WDR44: variants seen among roughly 807,000 people sequenced by gnomAD.
WDR44 encodes the protein WD repeat-containing protein 44.
A neutral mutation model predicts 65.7 loss-of-function variants in WDR44; 9 were observed. The ratio of observed to expected loss-of-function variants is 0.14; its 90% CI spans 0.08 to 0.24. The LOEUF (loss-of-function observed/expected upper bound fraction) is 0.24. WDR44 is among the 10% of genes least tolerant of loss of function. WDR44 has a pLI of 1.00. For missense variants in WDR44, 425 were observed against 670.9 expected (o/e 0.63, Z 4.05); for synonymous variants, 220 against 235.2 (o/e 0.94, Z 0.59).
chrX:118,349,510 G>A (rs1450270356), intron 1 of WDR44, among the ~76,000 whole-genome samples: 1 of 108,659 alleles, frequency 9.2e-6, no homozygotes, highest in African/African-American at 3.4e-5. Flanking sequence ...GAGCCATCTC[G>A]CCAGGCCCAG....
chrX:118,346,601 CAGGA>C, intron 1 of WDR44, 21 bp downstream of exon 1: 1 of 1,145,782 alleles, frequency 8.7e-7, no homozygotes, highest in Admixed American at 2.4e-5. Flanking sequence ...GCAGCTATGA[CAGGA>C]AGCCGGGCAT....
chrX:118,387,181 CAAA>C (rs61229618), intron 2 of WDR44, among the ~76,000 whole-genome samples, 156 bp from the exon 3 acceptor site: 1 of 38,294 alleles, frequency 2.6e-5, no homozygotes, highest in Admixed American at 3.2e-4. Context: ...AACTCTGTCT[CAAA>C]AAAAAAAAAA....
chrX:118,409,454 A>G (rs1444801674), intron 10 of WDR44, 35 bp from the exon 11 acceptor site: 1 of 1,199,064 alleles, frequency 8.3e-7, no homozygotes, highest in Non-Finnish European at 1.1e-6. Flanking sequence ...TAAAGGTGTA[A>G]AGTATTAACT....
intron 1 of WDR44, among the ~76,000 whole-genome samples, chrX:118,353,978 A>G (rs1023902833): frequency 8.9e-6 from 1 of 112,086 alleles, no homozygotes; most frequent in Admixed American, 9.6e-5. Flanking sequence ...CCTTGAATAA[A>G]CAGGAAGAGA....
At chrX:118,443,291 T>C (rs1352275040) in intron 17 of WDR44, among the ~76,000 whole-genome samples, 1 of 111,888 alleles carries the variant, frequency 8.9e-6, no homozygotes, top group African/African-American at 3.3e-5. Flanking sequence ...ATTCTGCTCC[T>C]GTCTTTCACA....
intron 6 of WDR44, among the ~76,000 whole-genome samples, chrX:118,395,709 A>T (rs1004716919): frequency 1.8e-4 from 20 of 112,065 alleles, no homozygotes; most frequent in African/African-American, 5.8e-4. Flanking sequence ...TATATTTTAT[A>T]GAAAGTGGGC....
At chrX:118,447,621 C>T (rs953267764) in intron 19 of WDR44, among the ~76,000 whole-genome samples, 8 of 110,590 alleles carry the variant, frequency 7.2e-5, no homozygotes, top group Non-Finnish European at 1.1e-4. Flanking sequence ...CATGGTGGCT[C>T]ATGCCTGTAA....
At chrX:118,406,610 C>A (rs2056970106) in intron 9 of WDR44, among the ~76,000 whole-genome samples, 1 of 111,056 alleles carries the variant, frequency 9.0e-6, no homozygotes, top group Non-Finnish European at 1.9e-5. Flanking sequence ...TAAGTACCAT[C>A]ATTATCCCCA....
intron 8 of WDR44, among the ~76,000 whole-genome samples, chrX:118,400,044 C>T (rs2147709413): frequency 9.0e-6 from 1 of 110,849 alleles, no homozygotes; most frequent in African/African-American, 3.3e-5. Context: ...GCCGTGATCA[C>T]ACCACTGCAC....
At chrX:118,349,761 G>A in intron 1 of WDR44, among the ~76,000 whole-genome samples, 1 of 110,770 alleles carries the variant, frequency 9.0e-6, no homozygotes, top group East Asian at 2.8e-4. Flanking sequence ...TGTTCGTCAG[G>A]CTGGTCTTGA....
intron 8 of WDR44, among the ~76,000 whole-genome samples, chrX:118,400,923 G>T (rs2056907845): frequency 1.1e-5 from 1 of 94,475 alleles, no homozygotes; most frequent in Non-Finnish European, 2.1e-5. Context: ...TGTGGTGTTT[G>T]GTTTTTTGTT....
rs778516366 is a variant in WDR44 at position 118,398,600 on chromosome X, C to T, written c.1274+130C>T. On this transcript the variant is annotated intron_variant, in intron 8 of 19. Transcript: ENST00000254029. ...CCCACCACCATTCCTCCCTGTCCCT[C>T]GCTGATGGGTTATGAAGTTGTATTG... 14 of 526,031 alleles carry T rather than the reference C, an allele frequency of 2.7e-5. No individual in the cohort carries two copies. The South Asian group carries it at 3.1e-4, about 12-fold the overall frequency. 43.4% of individuals were successfully genotyped at this position (526,031 alleles called of 1,213,427 possible). A position where few individuals can be genotyped will look rare whatever the true frequency, so the allele number is the denominator to read the frequency against.
chrX:118,418,468 C>T (rs1025962445), intron 12 of WDR44, among the ~76,000 whole-genome samples: 4 of 110,958 alleles, frequency 3.6e-5, no homozygotes, highest in African/African-American at 1.3e-4. Context: ...GGTCTAGCCA[C>T]CCAGCAAGTC....
At chrX:118,367,048 T>C (rs2056560260) in intron 1 of WDR44, among the ~76,000 whole-genome samples, 2 of 107,759 alleles carry the variant, frequency 1.9e-5, no homozygotes, top group Admixed American at 2.0e-4. Context: ...ATCACGCCAC[T>C]GCACCCCAGC....
intron 3 of WDR44, 32 bp downstream of exon 3, chrX:118,387,446 T>C: frequency 6.8e-6 from 7 of 1,025,498 alleles, no homozygotes; most frequent in Non-Finnish European, 9.4e-6. Flanking sequence ...TATTAGTTTA[T>C]AGCAGACATC....
intron 19 of WDR44, among the ~76,000 whole-genome samples, chrX:118,446,544 G>A (rs1208139592): frequency 8.9e-6 from 1 of 112,017 alleles, no homozygotes; most frequent in East Asian, 2.8e-4. Flanking sequence ...TGTACAAAGA[G>A]TGCTTCTAAA....
chrX:118,387,654 GT>G (rs1311530652), intron 3 of WDR44, among the ~76,000 whole-genome samples: 1 of 111,229 alleles, frequency 9.0e-6, no homozygotes, highest in African/African-American at 3.3e-5. Flanking sequence ...TTTATTTTTT[GT>G]TCTTGTATTT....
At chrX:118,348,192 C>T (rs887980323) in intron 1 of WDR44, among the ~76,000 whole-genome samples, 1 of 112,012 alleles carries the variant, frequency 8.9e-6, no homozygotes, top group Non-Finnish European at 1.9e-5. Context: ...CTGTCTAGTC[C>T]AGTACCTGGG....
Position 118,421,162 on chromosome X carries a change from G to C in WDR44, c.1737+10203G>C, listed in dbSNP as rs182846143. Among the ~76,000 whole-genome samples the C allele has an allele frequency of 4.0e-3, 442 of 111,736 alleles. 8 individuals carry two copies. Among genetic ancestry groups the C allele is most frequent in the Admixed American group, 0.034 (356 of 10,402 alleles). The stretch of plus-strand genomic sequence containing the variant: ...AGATAATTTTAACTGCTTTGCTTTA[G>C]GGAAAAGGGCTTGCTTTTATTAGTT... On this transcript the variant is annotated intron_variant, in intron 12 of 19. Transcript: ENST00000254029.
Sources: allele counts gnomAD v4.1 joint callset (sites outside exome capture counted in the v4.1 genomes callset), GRCh38; gene constraint gnomAD v4.1.1; transcripts MANE v1.5; gene names NCBI Gene and HGNC (gene_info 2026-07-23, HGNC 2026-07-21).